The following PBX4 variants were observed in gnomAD, a reference collection of about 807,000 sequenced individuals.
PBX4 encodes PBX homeobox 4, also known as pre-B-cell leukemia transcription factor 4.
In PBX4, 26 loss-of-function variants were observed where a neutral mutation model predicts 35.1. That is an observed-to-expected ratio of 0.74 (90% CI 0.54 to 1.03). The LOEUF (loss-of-function observed/expected upper bound fraction) is 1.03. Among genes scored for constraint, PBX4 ranks in the 50% least tolerant of loss-of-function variants. The pLI is 0.00. For synonymous variants in PBX4, 199 were observed against 204.2 expected, an observed-to-expected ratio of 0.97 and a Z score of 0.22; for missense variants, 448 against 504.3, an observed-to-expected ratio of 0.89 and a Z score of 1.07.
Position 19,616,377 on chromosome 19 carries a change from G to C in PBX4, c.119+2134C>G, listed in dbSNP as rs1380782632. On this transcript the variant is annotated intron_variant, in intron 1 of 7. Transcript: ENST00000251203. ...GAGTCTCACTCTGTCGCCCAGGTTG[G>C]AATGCAGTGGCGCTTGAACCCAGGC... 2.6e-5 allele frequency among the ~76,000 whole-genome samples: 4 copies of C among 152,242 alleles called. No individual in the cohort carries two copies. In the East Asian group the frequency reaches 7.7e-4, roughly 29 times the overall value.
rs753893364 is a variant in PBX4, at chr19:19,604,466, C to CA, written c.120-5102dup. Among the ~76,000 whole-genome samples, 31 of 72,076 alleles carry CA rather than the reference C, an allele frequency of 4.3e-4. 4 individuals carry two copies. Among genetic ancestry groups the CA allele is most frequent in the Admixed American group, 1.3e-3 (7 of 5,586 alleles). The allele number at this position is 72,076 out of a possible 152,430, so 47.3% of individuals were successfully genotyped here. Reference sequence around the variant, plus strand: ...TGGGCAACAGAGCGAGATTCCATCTCAAAAAAAAAAAAGGAATACAACTGG... The same window carrying CA: ...TGGGCAACAGAGCGAGATTCCATCTCAAAAAAAAAAAAAGGAATACAACTGG... On this transcript the variant is annotated intron_variant, in intron 1 of 7. Coordinates refer to ENST00000251203, the MANE Select transcript of PBX4 (RefSeq NM_025245.3).
rs994880531 is a variant in PBX4 at position 19,564,398 on chromosome 19, G to T, written c.925+535C>A. ...TTCTTAATCCAGTCTATCATTGTTGGACATTTGGGTTGGTTCCAAGTCTTT... is the reference window on the plus strand; with the variant it reads ...TTCTTAATCCAGTCTATCATTGTTGTACATTTGGGTTGGTTCCAAGTCTTT... On this transcript the variant is annotated intron_variant, in intron 6 of 7. Coordinates refer to ENST00000251203, the MANE Select transcript of PBX4 (RefSeq NM_025245.3). 1.3e-4 allele frequency among the ~76,000 whole-genome samples: 19 copies of T among 151,916 alleles called. No individual in the cohort carries two copies. In the East Asian group the frequency reaches 2.7e-3, roughly 22 times the overall value.
At chr19:19,567,470 T>C (rs952720210) in intron 5 of PBX4, among the ~76,000 whole-genome samples, 4 of 152,070 alleles carry the variant, frequency 2.6e-5, no homozygotes, top group African/African-American at 9.7e-5. Context: ...AACTGCAAAG[T>C]AGGGAGGGCT....
intron 2 of PBX4, among the ~76,000 whole-genome samples, chr19:19,586,211 C>A (rs1305999016): frequency 6.6e-6 from 1 of 151,816 alleles, no homozygotes; most frequent in African/African-American, 2.4e-5. Context: ...CCCAGGAGTC[C>A]CAGACCAGCC....
chr19:19,603,437 T>C lies in PBX4; in HGVS notation c.120-4072A>G, dbSNP rs1313588170. On this transcript the variant is annotated intron_variant, in intron 1 of 7. Transcript: ENST00000251203. Reference sequence around the variant, plus strand: ...GGTGATTCTCCTGCGGCCTCCAGAGTAGCTGGCATTACAGGTGCCCACCAC... The same window carrying C: ...GGTGATTCTCCTGCGGCCTCCAGAGCAGCTGGCATTACAGGTGCCCACCAC... 2.6e-5 allele frequency among the ~76,000 whole-genome samples: 4 copies of C among 151,766 alleles called. No homozygotes were observed. The East Asian group carries it at 5.8e-4, about 22-fold the overall frequency.
intron 1 of PBX4, among the ~76,000 whole-genome samples, chr19:19,610,722 T>G (rs1406305705): frequency 6.6e-6 from 1 of 152,116 alleles, no homozygotes; most frequent in Non-Finnish European, 1.5e-5. Context: ...GCCACTGCAC[T>G]CCAGCCTGGG....
chr19:19,561,835 C>T lies in PBX4; in HGVS notation c.*190G>A, dbSNP rs963823354. 4.6e-5 allele frequency: 22 copies of T among 482,328 alleles called. No homozygotes were observed. The Admixed American group carries it at 5.9e-4, about 13-fold the overall frequency. 29.9% of individuals were successfully genotyped at this position (482,328 alleles called of 1,614,324 possible). A position where few individuals can be genotyped will look rare whatever the true frequency, so the allele number is the denominator to read the frequency against. On this transcript the variant is annotated 3_prime_UTR_variant, in exon 8 of 8. Coordinates refer to ENST00000251203, the MANE Select transcript of PBX4 (RefSeq NM_025245.3). ...CGAACTGAAGTGGGAGAATGAGTGGCGTTTCAGGCCATCTCGAGTCGCAGC... is the reference window on the plus strand; with the variant it reads ...CGAACTGAAGTGGGAGAATGAGTGGTGTTTCAGGCCATCTCGAGTCGCAGC...
chr19:19,598,585 T>C (rs1052582270), intron 2 of PBX4, among the ~76,000 whole-genome samples: 1 of 152,144 alleles, frequency 6.6e-6, no homozygotes, highest in Non-Finnish European at 1.5e-5. Flanking sequence ...TATGAGCCAC[T>C]GTGCCCAGCC....
rs571341995 is a variant in PBX4, at chr19:19,589,264, T to G, written c.193+10028A>C. ...TAACACGATGAAACCCCATCTCTAC[T>G]AAAAATACAAAAAATTAGAGGAGTG... is the stretch of plus-strand genomic sequence containing the variant. On this transcript the variant is annotated intron_variant, in intron 2 of 7. Coordinates refer to ENST00000251203, the MANE Select transcript of PBX4 (RefSeq NM_025245.3). 2.1e-3 allele frequency among the ~76,000 whole-genome samples: 325 copies of G among 151,882 alleles called. 1 individual carries two copies. The highest frequency in any genetic ancestry group is 7.6e-3 in the African/African-American group (316 of 41,428).
At chr19:19,610,556 G>A (rs1441073944) in intron 1 of PBX4, among the ~76,000 whole-genome samples, 1 of 152,238 alleles carries the variant, frequency 6.6e-6, no homozygotes, top group Admixed American at 6.5e-5. Flanking sequence ...TTCAAGACCA[G>A]CCTGCCCAAC....
At chr19:19,581,225 CT>C (rs2061452307) in intron 2 of PBX4, among the ~76,000 whole-genome samples, 1 of 152,146 alleles carries the variant, frequency 6.6e-6, no homozygotes, top group African/African-American at 2.4e-5. Flanking sequence ...ACTTGTATGT[CT>C]GTTTTATTTT....
At chr19:19,576,804 G>A (rs571829889) in intron 2 of PBX4, among the ~76,000 whole-genome samples, 1 of 151,402 alleles carries the variant, frequency 6.6e-6, no homozygotes, top group Non-Finnish European at 1.5e-5. Flanking sequence ...TGTAGAGATG[G>A]CATCTCACTA....
intron 5 of PBX4, among the ~76,000 whole-genome samples, chr19:19,568,943 G>A (rs1266752188): frequency 6.6e-6 from 1 of 152,246 alleles, no homozygotes; most frequent in Non-Finnish European, 1.5e-5. Context: ...GGGTACACTT[G>A]CACCCCTGCC....
chr19:19,599,451 T>G (rs1465504454), intron 1 of PBX4, 86 bp from the exon 2 acceptor site: 1 of 1,210,504 alleles, frequency 8.3e-7, no homozygotes, highest in Non-Finnish European at 1.2e-6. Context: ...TACTGAGAAA[T>G]CAAACCAAAC....
chr19:19,615,425 A>G (rs1045378147), intron 1 of PBX4, among the ~76,000 whole-genome samples: 2 of 152,158 alleles, frequency 1.3e-5, no homozygotes, highest in Non-Finnish European at 2.9e-5. Context: ...AACTACAAAA[A>G]GTGTCAACAT....
Position 19,570,176 on chromosome 19 carries a change from G to T in PBX4, c.565C>A (p.Gln189Lys), listed in dbSNP as rs755632077. The T allele has an allele frequency of 6.2e-7, 1 of 1,614,006 alleles. No homozygotes were observed. The highest frequency in any genetic ancestry group is 1.7e-4 in the Middle Eastern group (1 of 6,024). The change falls in exon 4 of 8, where the codon CAG (glutamine) becomes AAG (lysine). Residue 189 changes from glutamine (Q) to lysine (K), a missense_variant. Transcript: ENST00000251203. ...GAIHGKFSAI[Q>K]MQLKQSTCEA... The stretch of plus-strand genomic sequence containing the variant: ...CAGGTGCTCTGCTTCAACTGCATCT[G>T]GATGGCGCTGAACTTGCCGTGAATG...
intron 1 of PBX4, 120 bp from the exon 2 acceptor site, chr19:19,599,485 A>G: frequency 1.2e-6 from 1 of 802,174 alleles, no homozygotes; most frequent in Non-Finnish European, 2.1e-6. Context: ...CTGACTGTAG[A>G]TAAGTCGCCT....
chr19:19,575,193 C>T (rs1188038318), intron 2 of PBX4, among the ~76,000 whole-genome samples: 4 of 150,374 alleles, frequency 2.7e-5, no homozygotes, highest in African/African-American at 9.8e-5. Flanking sequence ...GCCGAGATTG[C>T]GCCACTGCAC....
At chr19:19,606,200 T>C (rs1274710159) in intron 1 of PBX4, 4 of 152,238 alleles carry the variant, frequency 2.6e-5, no homozygotes, top group African/African-American at 9.7e-5. Flanking sequence ...GATGGTATCA[T>C]CTCTGCCATG....
Sources: gnomAD v4.1 joint callset for allele counts (sites outside exome capture counted in the v4.1 genomes callset) on GRCh38, gnomAD v4.1.1 for gene constraint, MANE v1.5 for transcripts, NCBI Gene and HGNC (gene_info 2026-07-23, HGNC 2026-07-21) for gene names.